Variants in RMP64 observed in about 807,000 individuals in gnomAD.
The protein encoded by RMP64 is nucleolus and neural progenitor protein.
the RMP64 span, among the ~76,000 whole-genome samples, chr3:113,015,229 A>C: frequency 6.6e-6 from 1 of 152,140 alleles, no homozygotes; most frequent in Non-Finnish European, 1.5e-5. Context: ...CTTTTTTTAA[A>C]AAAAATTAAA....
chr3:113,008,053 C>G, the RMP64 span: 1 of 833,698 alleles, frequency 1.2e-6, no homozygotes, highest in South Asian at 1.7e-5. Flanking sequence ...TGAGTACATC[C>G]CAATTTAGCC....
chr3:113,012,811 A>C, the RMP64 span: 1 of 1,583,062 alleles, frequency 6.3e-7, no homozygotes, highest in East Asian at 2.2e-5. Context: ...TCACAGTCAA[A>C]CTGGAAAATC....
the RMP64 span, chr3:113,005,604 T>G: frequency 6.2e-7 from 1 of 1,614,034 alleles, no homozygotes; most frequent in Non-Finnish European, 8.5e-7. Flanking sequence ...GATGTACTGT[T>G]TTTATTTATT....
the RMP64 span, chr3:113,013,905 T>G: frequency 8.8e-6 from 11 of 1,244,878 alleles, no homozygotes; most frequent in Non-Finnish European, 1.2e-5. Flanking sequence ...CACAAGACAT[T>G]GAGTTCCCAG....
At chr3:113,017,750 A>T in the RMP64 span, 2 of 653,740 alleles carry the variant, frequency 3.1e-6, no homozygotes, top group African/African-American at 3.7e-5. Context: ...GAACGTAAGG[A>T]TTCTAAGTAT....
the RMP64 span, chr3:113,013,456 T>C: frequency 1.6e-6 from 2 of 1,286,168 alleles, no homozygotes; most frequent in Non-Finnish European, 2.0e-6. Context: ...AAAGGGTTTT[T>C]TTTTTGTTTT....
the RMP64 span, chr3:113,013,250 AT>A: frequency 1.1e-3 from 1,735 of 1,609,902 alleles, 18 homozygotes; most frequent in African/African-American, 0.02. Context: ...AAGAAGGTAT[AT>A]TTCAAGATAT....
the RMP64 span, chr3:113,013,809 G>A: frequency 1.8e-5 from 12 of 679,992 alleles, no homozygotes; most frequent in South Asian, 1.9e-4. Flanking sequence ...CAAACACCAG[G>A]TACCCCACAT....
the RMP64 span, chr3:113,010,543 C>A: frequency 2.1e-6 from 2 of 961,972 alleles, no homozygotes; most frequent in Admixed American, 2.0e-5. Context: ...AAGCTTAGAG[C>A]TGGGGATAAA....
At chr3:113,017,465 G>A in the RMP64 span, 2 of 1,613,692 alleles carry the variant, frequency 1.2e-6, no homozygotes, top group Admixed American at 1.7e-5. Flanking sequence ...AGGGCCAAAT[G>A]GGGTTTGTGG....
the RMP64 span, chr3:113,013,354 C>T: frequency 6.8e-6 from 11 of 1,613,886 alleles, no homozygotes; most frequent in Non-Finnish European, 8.5e-6. Context: ...AACTCCACCA[C>T]TGGCTGACTG....
At chr3:113,019,440 C>CG in the RMP64 span, 3 of 934,216 alleles carry the variant, frequency 3.2e-6, no homozygotes, top group South Asian at 1.5e-5. Flanking sequence ...CAGCGTCCCC[C>CG]GGGCCGGGAA....
At chr3:113,008,615 C>T in the RMP64 span, 428,790 of 514,038 alleles carry the variant, frequency 0.83, 179,529 homozygotes, top group African/African-American at 0.87. Flanking sequence ...TAACAAAATA[C>T]GTACCCCATA....
the RMP64 span, among the ~76,000 whole-genome samples, chr3:113,018,240 C>T: frequency 6.6e-6 from 1 of 152,188 alleles, no homozygotes; most frequent in African/African-American, 2.4e-5. Context: ...CTAAAGGCAG[C>T]ACTAGCATTC....
At chr3:113,008,602 T>TCTG in the RMP64 span, 1 of 565,956 alleles carries the variant, frequency 1.8e-6, no homozygotes, top group South Asian at 2.5e-5. Context: ...CACTATATGC[T>TCTG]TATAACAAAA....
the RMP64 span, chr3:113,003,759 G>GA: frequency 1.3e-5 from 2 of 152,130 alleles, no homozygotes; most frequent in East Asian, 3.9e-4. Flanking sequence ...TTTCATTCTT[G>GA]AAAAAATTCC....
chr3:113,016,413 T>C, the RMP64 span, among the ~76,000 whole-genome samples: 4 of 133,722 alleles, frequency 3.0e-5, no homozygotes, highest in Admixed American at 1.7e-4. Flanking sequence ...TTTTGTCTTA[T>C]GGACTGCCTG....
chr3:113,008,328 T>A, the RMP64 span: 2 of 1,614,130 alleles, frequency 1.2e-6, no homozygotes, highest in Non-Finnish European at 1.7e-6. Flanking sequence ...TCTCGGAATC[T>A]TTGCACAAAA....
At chr3:113,003,600 A>C in the RMP64 span, 99 of 152,340 alleles carry the variant, frequency 6.5e-4, no homozygotes, top group African/African-American at 2.3e-3. Flanking sequence ...AAATGAGAGG[A>C]GATGAAGATA....
Sources: allele counts gnomAD v4.1 joint callset (sites outside exome capture counted in the v4.1 genomes callset), GRCh38; gene constraint gnomAD v4.1.1; transcripts MANE v1.5; gene names NCBI Gene and HGNC (gene_info 2026-07-23, HGNC 2026-07-21).